The following EEF2K variants were observed in gnomAD, a reference collection of about 807,000 sequenced individuals.
EEF2K encodes eukaryotic elongation factor 2 kinase.
In EEF2K, 70 loss-of-function variants were observed where a neutral mutation model predicts 93.8. The ratio of observed to expected loss-of-function variants is 0.75; its 90% CI spans 0.62 to 0.91. The LOEUF (loss-of-function observed/expected upper bound fraction) is 0.91. Ranked by LOEUF, EEF2K falls within the 40% of genes least tolerant of loss-of-function variation. The pLI is 0.00. For missense variants in EEF2K, 935 were observed against 972.9 expected (o/e 0.96, Z 0.52); for synonymous variants, 376 against 380.8 (o/e 0.99, Z 0.15).
At chr16:22,261,895 C>G (rs1411935987) in intron 11 of EEF2K, among the ~76,000 whole-genome samples, 2 of 150,672 alleles carry the variant, frequency 1.3e-5, no homozygotes, top group African/African-American at 2.4e-5. Context: ...ATTCCAGCTA[C>G]TTAGGAGGCT....
At position 22,260,365 on chromosome 16, in the gene EEF2K, G is replaced by T. The variant is rs62044787; in HGVS notation, c.1232-97G>T. ...CTTTAAAGCTTAAAAAAAAAAAAAGGCTTGGTGGCAGGTATGGACCGCCCT... is the reference window on the plus strand; with the variant it reads ...CTTTAAAGCTTAAAAAAAAAAAAAGTCTTGGTGGCAGGTATGGACCGCCCT... On this transcript the variant is annotated intron_variant, in intron 10 of 17. Coordinates refer to ENST00000263026, the MANE Select transcript of EEF2K (RefSeq NM_013302.5). 5 of 1,151,970 alleles carry T rather than the reference G, an allele frequency of 4.3e-6. No individual in the cohort carries two copies. In the African/African-American group the frequency reaches 4.8e-5, roughly 11 times the overall value. 71.4% of individuals were successfully genotyped at this position (1,151,970 alleles called of 1,614,324 possible). A position where few individuals can be genotyped will look rare whatever the true frequency, so the allele number is the denominator to read the frequency against.
At chr16:22,258,463 G>A (rs778437391) in intron 9 of EEF2K, 31 bp from the exon 10 acceptor site, 13 of 1,609,282 alleles carry the variant, frequency 8.1e-6, no homozygotes, top group African/African-American at 2.7e-5. Context: ...GGGTGTGTGC[G>A]TGACATGAGT....
chr16:22,249,632 G>A (rs551086883), intron 4 of EEF2K, among the ~76,000 whole-genome samples: 2 of 152,008 alleles, frequency 1.3e-5, no homozygotes, highest in African/African-American at 4.8e-5. Flanking sequence ...TAGAGACAGG[G>A]TCTTGCTCTG....
At chr16:22,239,458 C>G (rs752600389) in intron 2 of EEF2K, among the ~76,000 whole-genome samples, 1 of 152,132 alleles carries the variant, frequency 6.6e-6, no homozygotes, top group South Asian at 2.1e-4. Context: ...AGGTGGAGGT[C>G]GAAGGCTGTC....
intron 1 of EEF2K, among the ~76,000 whole-genome samples, chr16:22,214,995 G>A (rs1240637394): frequency 6.6e-6 from 1 of 152,196 alleles, no homozygotes; most frequent in Non-Finnish European, 1.5e-5. Flanking sequence ...TTTCCCATTG[G>A]TTACTTGATG....
chr16:22,230,278 ATCCTGGC>A (rs1469934538), intron 2 of EEF2K, among the ~76,000 whole-genome samples: 1 of 151,670 alleles, frequency 6.6e-6, no homozygotes, highest in African/African-American at 2.4e-5. Flanking sequence ...CAGTGGTGTG[ATCCTGGC>A]TCACTGCAAC....
chr16:22,280,629 T>C (rs1468804282), intron 17 of EEF2K, among the ~76,000 whole-genome samples: 1 of 151,694 alleles, frequency 6.6e-6, no homozygotes, highest in Non-Finnish European at 1.5e-5. Context: ...TTAAAGTATA[T>C]AGTTTAGTAG....
Position 22,287,301 on chromosome 16 carries a change from C to T in EEF2K, c.*3305C>T, listed in dbSNP as rs1378892937. ...ACAAGAAAAACCCCTAGTTTTGTGC[C>T]TTCTGAAGATAGTTAGGACATCTTC... On this transcript the variant is annotated 3_prime_UTR_variant, in exon 18 of 18. Coordinates refer to ENST00000263026, the MANE Select transcript of EEF2K (RefSeq NM_013302.5). 2 of 152,256 alleles carry T rather than the reference C, an allele frequency of 1.3e-5. No individual in the cohort carries two copies. The highest frequency in any genetic ancestry group is 2.4e-5 in the African/African-American group (1 of 41,472). The allele number at this position is 152,256 out of a possible 1,614,324, so 9.4% of individuals were successfully genotyped here. A position where few individuals can be genotyped will look rare whatever the true frequency, so the allele number is the denominator to read the frequency against.
chr16:22,240,266 T>G (rs896134586), intron 2 of EEF2K, among the ~76,000 whole-genome samples: 6 of 152,146 alleles, frequency 3.9e-5, no homozygotes, highest in African/African-American at 1.4e-4. Flanking sequence ...AACAAAAAAG[T>G]TATACAGTAG....
rs1211905130 is a variant in EEF2K, at chr16:22,284,231, GA to G, written c.*237del. 1 of 499,336 alleles carries G rather than the reference GA, an allele frequency of 2.0e-6. No homozygotes were observed. The highest frequency in any genetic ancestry group is 3.6e-6 in the Non-Finnish European group (1 of 276,910). The allele number at this position is 499,336 out of a possible 1,614,324, so 30.9% of individuals were successfully genotyped here. On this transcript the variant is annotated 3_prime_UTR_variant, in exon 18 of 18. Transcript: ENST00000263026. The stretch of plus-strand genomic sequence containing the variant: ...GTATTTTGGGGAAGTGGGGCTTGAA[GA>G]AGCAGCCTAATGAACCAACATACCG...
At chr16:22,265,107 C>T in intron 13 of EEF2K, 1 of 495,848 alleles carries the variant, frequency 2.0e-6, no homozygotes, top group Admixed American at 3.3e-5. Flanking sequence ...TCAGCCCCAT[C>T]CTGGAGGGGA....
intron 16 of EEF2K, among the ~76,000 whole-genome samples, chr16:22,279,741 T>C (rs2047674694): frequency 6.6e-6 from 1 of 152,154 alleles, no homozygotes; most frequent in African/African-American, 2.4e-5. Context: ...ATGCCTGTAA[T>C]CTCAGCACTT....
In EEF2K at chr16:22,280,316, A is replaced by T. The variant is rs1158384943; in HGVS notation, c.2008A>T (p.Arg670Trp). ...QDEPRYMMLA[R>W]EAEMLFTGGY... ...CGAGCCCCGGTACATGATGCTGGCC[A>T]GGGAGGCCGAGATGCTGTTCACAGG... The change falls in exon 17 of 18, where the codon AGG becomes TGG. Residue 670 changes from arginine (R) to tryptophan (W), a missense_variant. Coordinates refer to ENST00000263026, the MANE Select transcript of EEF2K (RefSeq NM_013302.5). 6.2e-7 allele frequency: 1 copy of T among 1,607,546 alleles called. No individual in the cohort carries two copies. Among genetic ancestry groups the T allele is most frequent in the Non-Finnish European group, 8.5e-7 (1 of 1,177,008 alleles).
At position 22,256,756 on chromosome 16, in the gene EEF2K, C is replaced by T; in HGVS notation, c.627C>T (p.Ile209=). ...ACTCCCCATCCCACCAGGTGGACATCATGCAGATGTGCATCATCGAGCTGA... is the reference window on the plus strand; with the variant it reads ...ACTCCCCATCCCACCAGGTGGACATTATGCAGATGTGCATCATCGAGCTGA... ...NRHKPPKQVD[I]MQMCIIELKD... is the part of the protein sequence containing the mutation. Residue 209 remains isoleucine (I), a synonymous_variant, in exon 7 of 18, where the codon ATC becomes ATT. Coordinates refer to ENST00000263026, the MANE Select transcript of EEF2K (RefSeq NM_013302.5). 2 of 1,613,860 alleles carry T rather than the reference C, an allele frequency of 1.2e-6. No individual in the cohort carries two copies. Among genetic ancestry groups the T allele is most frequent in the Non-Finnish European group, 1.7e-6 (2 of 1,179,922 alleles).
chr16:22,268,549 C>T (rs569340287), intron 15 of EEF2K, among the ~76,000 whole-genome samples: 1 of 152,262 alleles, frequency 6.6e-6, no homozygotes, highest in African/African-American at 2.4e-5. Context: ...TCACTGTAGC[C>T]TTGACCTCCT....
At position 22,284,380 on chromosome 16, in the gene EEF2K, A is replaced by G. The variant is rs2047731498; in HGVS notation, c.*384A>G. On this transcript the variant is annotated 3_prime_UTR_variant, in exon 18 of 18. Transcript: ENST00000263026. ...ACTGCAACCTCCGCCTCCTGGGTTC[A>G]AGTGATTCTCCTGCCTCAGCCTCCC... The G allele has an allele frequency of 5.4e-6, 1 of 183,774 alleles. No homozygotes were observed. The highest frequency in any genetic ancestry group is 2.4e-5 in the African/African-American group (1 of 42,394). The allele number at this position is 183,774 out of a possible 1,614,324, so 11.4% of individuals were successfully genotyped here.
chr16:22,231,307 G>A (rs897983344), intron 2 of EEF2K, among the ~76,000 whole-genome samples: 1 of 151,494 alleles, frequency 6.6e-6, no homozygotes, highest in African/African-American at 2.4e-5. Flanking sequence ...AGTAGAGACG[G>A]GGGTTTCACC....
At chr16:22,271,905 A>G (rs907071798) in intron 15 of EEF2K, among the ~76,000 whole-genome samples, 1 of 152,194 alleles carries the variant, frequency 6.6e-6, no homozygotes, top group Non-Finnish European at 1.5e-5. Flanking sequence ...ACAAAGACCT[A>G]TGTTAGAACT....
intron 16 of EEF2K, among the ~76,000 whole-genome samples, chr16:22,276,981 C>T (rs992977099): frequency 6.6e-6 from 1 of 152,080 alleles, no homozygotes; most frequent in African/African-American, 2.4e-5. Flanking sequence ...AGAAGAATCA[C>T]TTAAACCCGG....
Sources: allele counts gnomAD v4.1 joint callset (sites outside exome capture counted in the v4.1 genomes callset), GRCh38; gene constraint gnomAD v4.1.1; transcripts MANE v1.5; gene names NCBI Gene and HGNC (gene_info 2026-07-23, HGNC 2026-07-21).